Variants in TTC27 observed in about 807,000 individuals in gnomAD.
TTC27 encodes tetratricopeptide repeat domain 27, also known as tetratricopeptide repeat protein 27.
In TTC27, 79 loss-of-function variants were observed where a neutral mutation model predicts 115.9. The ratio of observed to expected loss-of-function variants is 0.68; its 90% CI spans 0.57 to 0.82. The LOEUF (loss-of-function observed/expected upper bound fraction) is 0.82, where lower values mean the gene tolerates loss of function less well. TTC27 is among the 40% of genes least tolerant of loss of function. The pLI is 0.00. For missense variants in TTC27, 1,054 were observed against 993.1 expected (o/e 1.06, Z -0.82); for synonymous variants, 401 against 356.0 (o/e 1.13, Z -1.42).
chr2:32,730,682 C>T (rs988741325), intron 10 of TTC27, among the ~76,000 whole-genome samples: 3 of 149,304 alleles, frequency 2.0e-5, no homozygotes, highest in East Asian at 2.0e-4. Flanking sequence ...AGTGCAGTGG[C>T]GTGATCTTGA....
chr2:32,724,045 A>G (rs1668030952), intron 10 of TTC27, among the ~76,000 whole-genome samples: 1 of 147,784 alleles, frequency 6.8e-6, no homozygotes, highest in Non-Finnish European at 1.5e-5. Context: ...ATAATCAATA[A>G]ATATTTGTTA....
intron 7 of TTC27, among the ~76,000 whole-genome samples, chr2:32,669,062 G>A (rs1435438127): frequency 1.3e-5 from 2 of 151,868 alleles, no homozygotes; most frequent in African/African-American, 4.8e-5. Context: ...CTGGGCGACA[G>A]AGTGAGACTC....
At chr2:32,734,008 G>A (rs3818266) in intron 11 of TTC27, 85 bp downstream of exon 11, 185,129 of 941,514 alleles carry the variant, frequency 0.2, 19,615 homozygotes, top group South Asian at 0.35. Flanking sequence ...TTTAATTTAT[G>A]TTTGAATTTT....
rs73924876 is a variant in TTC27 at position 32,791,384 on chromosome 2, A to C, written c.1998+4235A>C. Among the ~76,000 whole-genome samples the C allele has an allele frequency of 2.4e-3, 373 of 152,322 alleles. 3 individuals are homozygous for C. Among genetic ancestry groups the C allele is most frequent in the African/African-American group, 8.5e-3 (355 of 41,564 alleles). On this transcript the variant is annotated intron_variant, in intron 16 of 19. Transcript: ENST00000317907. ...TTTGTTGTTTATATGTGGAAGAGGA[A>C]GGAAAGGGGATTAATATATATTGAG...
At chr2:32,652,625 G>A (rs1024506659) in intron 5 of TTC27, among the ~76,000 whole-genome samples, 5 of 152,128 alleles carry the variant, frequency 3.3e-5, no homozygotes, top group South Asian at 2.1e-4. Context: ...GCTAATCAAC[G>A]GCACTTTTCA....
intron 9 of TTC27, among the ~76,000 whole-genome samples, chr2:32,695,494 G>C (rs1453791541): frequency 1.3e-5 from 2 of 152,060 alleles, no homozygotes; most frequent in South Asian, 4.2e-4. Context: ...ACCGAGGCGG[G>C]CAGATCACGA....
intron 16 of TTC27, among the ~76,000 whole-genome samples, chr2:32,795,353 C>A (rs565878329): frequency 1.3e-5 from 2 of 151,880 alleles, no homozygotes; most frequent in South Asian, 4.2e-4. Context: ...AAAAATCTCA[C>A]CTGATTATCT....
rs778288526 is a variant in TTC27, at chr2:32,664,412, A to G, written c.750A>G (p.Ala250=). ...TATATTATTATGAGTACAGAAAAGC[A>G]AAAGATCAGTTGGATATTGCTAAGG... ...VFLYYYEYRK[A]KDQLDIAKDI... is the part of the protein sequence containing the mutation. Residue 250 remains alanine, a synonymous_variant, in exon 6 of 20, where the codon GCA becomes GCG. Transcript: ENST00000317907. 6.2e-7 allele frequency: 1 copy of G among 1,612,470 alleles called. No individual in the cohort carries two copies. Among genetic ancestry groups the G allele is most frequent in the Admixed American group, 1.7e-5 (1 of 59,726 alleles).
At chr2:32,751,748 A>C (rs1311786016) in intron 12 of TTC27, among the ~76,000 whole-genome samples, 1 of 152,160 alleles carries the variant, frequency 6.6e-6, no homozygotes, top group Non-Finnish European at 1.5e-5. Context: ...AAGAGCTATG[A>C]TATATCCTTG....
intron 16 of TTC27, among the ~76,000 whole-genome samples, chr2:32,792,873 A>G (rs1572618843): frequency 1.3e-5 from 2 of 152,214 alleles, no homozygotes; most frequent in East Asian, 3.8e-4. Flanking sequence ...ATTCTTCTAC[A>G]TTTATGTTGG....
intron 18 of TTC27, among the ~76,000 whole-genome samples, chr2:32,814,012 G>A (rs1671400888): frequency 6.6e-6 from 1 of 152,122 alleles, no homozygotes; most frequent in Non-Finnish European, 1.5e-5. Flanking sequence ...TGGTCTTTGT[G>A]GATATTGTAT....
At chr2:32,759,175 A>G (rs574559730) in intron 13 of TTC27, among the ~76,000 whole-genome samples, 85 of 152,186 alleles carry the variant, frequency 5.6e-4, no homozygotes, top group Non-Finnish European at 1.0e-3. Flanking sequence ...CATTTTTTCT[A>G]CCAAACTTTA....
At chr2:32,669,207 G>C (rs920826686) in intron 7 of TTC27, among the ~76,000 whole-genome samples, 9 of 152,180 alleles carry the variant, frequency 5.9e-5, no homozygotes, top group African/African-American at 2.2e-4. Context: ...GCCCAGGCTG[G>C]TCTCGAACTT....
intron 16 of TTC27, among the ~76,000 whole-genome samples, chr2:32,806,105 T>C (rs562578312): frequency 1.3e-5 from 2 of 152,350 alleles, no homozygotes; most frequent in African/African-American, 2.4e-5. Flanking sequence ...ATCTTAAACT[T>C]CAATTTTCTA....
At chr2:32,818,787 AC>A (rs1285194083) in intron 19 of TTC27, among the ~76,000 whole-genome samples, 20 of 152,108 alleles carry the variant, frequency 1.3e-4, no homozygotes. Flanking sequence ...ATTTCTGAAT[AC>A]CTTTTTACTC....
intron 13 of TTC27, among the ~76,000 whole-genome samples, chr2:32,766,017 AT>A (rs1301618878): frequency 6.6e-6 from 1 of 152,214 alleles, no homozygotes; most frequent in Non-Finnish European, 1.5e-5. Flanking sequence ...TCACTTGTGT[AT>A]TCCCTGGAGG....
At chr2:32,760,476 G>T (rs983631639) in intron 13 of TTC27, among the ~76,000 whole-genome samples, 7 of 152,214 alleles carry the variant, frequency 4.6e-5, no homozygotes, top group African/African-American at 1.7e-4. Flanking sequence ...TAAACATCCC[G>T]TAATACACAG....
intron 16 of TTC27, among the ~76,000 whole-genome samples, chr2:32,803,019 A>G (rs1671006711): frequency 6.6e-6 from 1 of 152,114 alleles, no homozygotes. Flanking sequence ...AACTGGTAAT[A>G]TGTACTTGAT....
chr2:32,692,849 G>A (rs1255734606), intron 9 of TTC27, among the ~76,000 whole-genome samples: 1 of 152,046 alleles, frequency 6.6e-6, no homozygotes, highest in Admixed American at 6.6e-5. Flanking sequence ...CGTGGTGAAC[G>A]CCTGTAATCC....
Sources: allele counts gnomAD v4.1 joint callset (sites outside exome capture counted in the v4.1 genomes callset), GRCh38; gene constraint gnomAD v4.1.1; transcripts MANE v1.5; gene names NCBI Gene and HGNC (gene_info 2026-07-23, HGNC 2026-07-21).